Variants in GRIK1 observed in about 807,000 individuals in gnomAD.
GRIK1 encodes glutamate receptor ionotropic, kainate 1.
Under a neutral mutation model 105.7 loss-of-function variants are expected in GRIK1, and 69 were observed. The ratio of observed to expected loss-of-function variants is 0.65; its 90% CI spans 0.54 to 0.80. GRIK1 has a LOEUF of 0.80. GRIK1 is among the 30% of genes least tolerant of loss of function. The probability of loss-of-function intolerance (pLI) is 0.00; values close to 1 mark genes in which losing one functional copy is unlikely to be tolerated. For synonymous variants in GRIK1, 438 were observed against 431.3 expected (o/e 1.02, Z -0.19); for missense variants, 1,109 against 1,167.3 (o/e 0.95, Z 0.73).
chr21:29,663,710 G>A (rs113832846), intron 4 of GRIK1, among the ~76,000 whole-genome samples: 7,324 of 152,200 alleles, frequency 0.048, 263 homozygotes, highest in Non-Finnish European at 0.073. Context: ...TGACAGTGGG[G>A]ACAGATGTGG....
At chr21:29,918,326 A>G (rs2071071200) in intron 1 of GRIK1, among the ~76,000 whole-genome samples, 1 of 152,132 alleles carries the variant, frequency 6.6e-6, no homozygotes, top group African/African-American at 2.4e-5. Flanking sequence ...CGCTTTTCAT[A>G]TACAAGCTCA....
chr21:29,843,809 C>A (rs530037209), intron 1 of GRIK1, among the ~76,000 whole-genome samples: 1 of 152,192 alleles, frequency 6.6e-6, no homozygotes, highest in Non-Finnish European at 1.5e-5. Flanking sequence ...AGCTCTCCTG[C>A]CTTCAGTAAC....
intron 6 of GRIK1, 35 bp downstream of exon 6, chr21:29,651,083 A>C (rs1457532571): frequency 6.5e-7 from 1 of 1,532,152 alleles, no homozygotes; most frequent in East Asian, 2.3e-5. Context: ...GCATTCAAAT[A>C]TTCTTGCAAA....
chr21:29,699,582 TTTTG>T (rs1014274792), intron 1 of GRIK1, among the ~76,000 whole-genome samples: 4 of 152,160 alleles, frequency 2.6e-5, no homozygotes, highest in Non-Finnish European at 4.4e-5. Flanking sequence ...CTATGGTCTT[TTTTG>T]TTTGTTTGTT....
In GRIK1 at chr21:29,712,083, T is replaced by TATACACACACACAC. The variant is rs1232277994; in HGVS notation, c.119-18021_119-18020insGTGTGTGTGTGTAT. Among the ~76,000 whole-genome samples, 207 of 135,366 alleles carry TATACACACACACAC rather than the reference T, an allele frequency of 1.5e-3. 2 individuals are homozygous for TATACACACACACAC. Among genetic ancestry groups the TATACACACACACAC allele is most frequent in the African/African-American group, 5.0e-3 (187 of 37,126 alleles). 88.8% of individuals were successfully genotyped at this position (135,366 alleles called of 152,430 possible). A position where few individuals can be genotyped will look rare whatever the true frequency, so the allele number is the denominator to read the frequency against. On this transcript the variant is annotated intron_variant, in intron 1 of 17. Coordinates refer to ENST00000327783, the MANE Select transcript of GRIK1 (RefSeq NM_001330994.2). ...GTATATAAGTATATGTATACATACATACACACACACACACACACACACACA... is the reference window on the plus strand; with the variant it reads ...GTATATAAGTATATGTATACATACATATACACACACACACACACACACACACACACACACACACA...
At chr21:29,625,520 T>C (rs1470313467) in intron 7 of GRIK1, among the ~76,000 whole-genome samples, 2 of 152,158 alleles carry the variant, frequency 1.3e-5, no homozygotes, top group Admixed American at 6.6e-5. Context: ...CCTGCCACTC[T>C]CCAATTCATC....
At chr21:29,736,996 A>G (rs1025267568) in intron 1 of GRIK1, among the ~76,000 whole-genome samples, 3 of 152,114 alleles carry the variant, frequency 2.0e-5, no homozygotes, top group African/African-American at 7.2e-5. Flanking sequence ...TTCATTATTA[A>G]CAATTATTTC....
intron 7 of GRIK1, among the ~76,000 whole-genome samples, chr21:29,625,154 A>G (rs1268234087): frequency 6.6e-6 from 1 of 152,250 alleles, no homozygotes; most frequent in Non-Finnish European, 1.5e-5. Flanking sequence ...TATAAAGCAC[A>G]TCGTAATATA....
chr21:29,620,808 T>TATATATATATATATATAA (rs2061978720), intron 7 of GRIK1, among the ~76,000 whole-genome samples: 1 of 122,628 alleles, frequency 8.2e-6, no homozygotes, highest in African/African-American at 3.6e-5. Flanking sequence ...TATATATAGA[T>TATATATATATATATATAA]ATATATATAT....
At chr21:29,633,989 G>C (rs61264288) in intron 7 of GRIK1, among the ~76,000 whole-genome samples, 2,364 of 152,206 alleles carry the variant, frequency 0.016, 56 homozygotes, top group African/African-American at 0.053. Flanking sequence ...TGCATTAATG[G>C]GAAGTGTTAC....
At chr21:29,546,932 A>T (rs1164434133) in intron 16 of GRIK1, among the ~76,000 whole-genome samples, 1 of 152,176 alleles carries the variant, frequency 6.6e-6, no homozygotes, top group Non-Finnish European at 1.5e-5. Flanking sequence ...TAGAAAATAA[A>T]TGCACTCTGT....
At chr21:29,809,400 A>T (rs1302394741) in intron 1 of GRIK1, among the ~76,000 whole-genome samples, 11 of 152,174 alleles carry the variant, frequency 7.2e-5, no homozygotes, top group Admixed American at 7.2e-4. Context: ...ACATACCTTG[A>T]TTTAAAAATG....
At chr21:29,633,655 C>T (rs1260031446) in intron 7 of GRIK1, among the ~76,000 whole-genome samples, 1 of 151,872 alleles carries the variant, frequency 6.6e-6, no homozygotes, top group Non-Finnish European at 1.5e-5. Context: ...AACGATGAAC[C>T]TTTAGAAACT....
chr21:29,537,742 G>T, intron 17 of GRIK1, 56 bp downstream of exon 17: 1 of 863,180 alleles, frequency 1.2e-6, no homozygotes, highest in South Asian at 1.3e-5. Flanking sequence ...TCCAAACATT[G>T]ATAGGATTAT....
intron 9 of GRIK1, among the ~76,000 whole-genome samples, chr21:29,593,613 T>C (rs1361620651): frequency 6.6e-6 from 1 of 152,172 alleles, no homozygotes; most frequent in Admixed American, 6.5e-5. Flanking sequence ...TAATTAAACC[T>C]TCACTTAGAC....
At chr21:29,774,452 T>A (rs898311811) in intron 1 of GRIK1, among the ~76,000 whole-genome samples, 1 of 147,004 alleles carries the variant, frequency 6.8e-6, no homozygotes, top group Non-Finnish European at 1.5e-5. Flanking sequence ...TGCTCTTTTT[T>A]TTTTTTTTTT....
intron 1 of GRIK1, among the ~76,000 whole-genome samples, chr21:29,739,083 C>T (rs1257436933): frequency 6.6e-6 from 1 of 152,092 alleles, no homozygotes; most frequent in Non-Finnish European, 1.5e-5. Flanking sequence ...TTGCTGCCTT[C>T]ATGAAAATTA....
At chr21:29,706,075 T>C (rs1389194018) in intron 1 of GRIK1, among the ~76,000 whole-genome samples, 1 of 152,154 alleles carries the variant, frequency 6.6e-6, no homozygotes, top group East Asian at 1.9e-4. Flanking sequence ...GGTTTTGCCA[T>C]GTTGGCCAGG....
chr21:29,654,835 T>C lies in GRIK1; in HGVS notation c.755A>G (p.Tyr252Cys), dbSNP rs190228966. Residue 252 changes from tyrosine (Y) to cysteine (C), a missense_variant, in exon 5 of 18, where the codon TAC (tyrosine) becomes TGC (cysteine). Around this residue, in one of 5 missense-constraint regions of GRIK1, gnomAD observed 612 missense variants for 586.0 expected, o/e 1.04. Coordinates refer to ENST00000327783, the MANE Select transcript of GRIK1 (RefSeq NM_001330994.2). ...CAGGGTTGTGAAAAAGTAGTGATAG[T>C]ACTCGGTCATCATGCCCATGAACAG... is the stretch of plus-strand genomic sequence containing the variant. The part of the protein sequence containing the change: ...QILFMGMMTE[Y>C]YHYFFTTLDL... The C allele has an allele frequency of 6.3e-7, 1 of 1,587,356 alleles. No individual in the cohort carries two copies. Among genetic ancestry groups the C allele is most frequent in the Admixed American group, 1.7e-5 (1 of 59,998 alleles).
Sources: allele counts gnomAD v4.1 joint callset (sites outside exome capture counted in the v4.1 genomes callset), GRCh38; gene constraint gnomAD v4.1.1; regional missense constraint gnomAD v4.1.1; transcripts MANE v1.5; gene names NCBI Gene and HGNC (gene_info 2026-07-23, HGNC 2026-07-21).